PKHD1: variants seen among roughly 807,000 people sequenced by gnomAD.
PKHD1 encodes the protein fibrocystin.
Under a neutral mutation model 412.0 loss-of-function variants are expected in PKHD1, and 291 were observed. The observed-to-expected ratio is 0.71, with a 90% CI of 0.64 to 0.78. The LOEUF is 0.78. PKHD1 is among the 30% of genes least tolerant of loss of function. PKHD1 has a pLI of 0.00. For missense variants in PKHD1, 4,825 were observed against 4,950.7 expected, an observed-to-expected ratio of 0.97 and a Z score of 0.76; for synonymous variants, 1,777 against 1,821.5, an observed-to-expected ratio of 0.98 and a Z score of 0.62.
chr6:51,807,458 A>ATATATAT (rs1554254098), intron 52 of PKHD1, among the ~76,000 whole-genome samples: 3 of 49,676 alleles, frequency 6.0e-5, no homozygotes, highest in African/African-American at 1.8e-4. Context: ...AAAAAAAAAA[A>ATATATAT]ATATATATAT....
Position 51,871,528 on chromosome 6 carries a change from G to T in PKHD1, c.7351-889C>A, listed in dbSNP as rs541786080. 5.9e-5 allele frequency among the ~76,000 whole-genome samples: 7 copies of T among 118,046 alleles called. 3 individuals carry two copies. Among genetic ancestry groups the T allele is most frequent in the African/African-American group, 1.4e-4 (5 of 36,368 alleles). The allele number at this position is 118,046 out of a possible 152,430, so 77.4% of individuals were successfully genotyped here. ...TGCCAGTGGTTTAAAGCAAGAGGAG[G>T]CTGTGGCTACAAAGATGGAGCAAGG... On this transcript the variant is annotated intron_variant, in intron 46 of 66. Coordinates refer to ENST00000371117, the MANE Select transcript of PKHD1 (RefSeq NM_138694.4).
rs1807640725 is a variant in PKHD1 at position 52,055,820 on chromosome 6, T to C, written c.1694-91A>G. The C allele has an allele frequency of 1.7e-5, 24 of 1,399,446 alleles. No homozygotes were observed. The South Asian group carries it at 2.9e-4, about 17-fold the overall frequency. 86.7% of individuals were successfully genotyped at this position (1,399,446 alleles called of 1,614,324 possible). On this transcript the variant is annotated intron_variant, in intron 18 of 66. Transcript: ENST00000371117. ...ATGTGTGCATGAGGATTTTAGAGTA[T>C]CTCACTTAAGAAAACCCCCGTTCTA...
chr6:51,942,211 T>A (rs1405707906), intron 36 of PKHD1, among the ~76,000 whole-genome samples: 1 of 151,526 alleles, frequency 6.6e-6, no homozygotes, highest in African/African-American at 2.4e-5. Context: ...TAGCTCTCCC[T>A]GACTCATCCC....
intron 60 of PKHD1, among the ~76,000 whole-genome samples, chr6:51,704,427 G>A (rs948740128): frequency 2.6e-5 from 4 of 152,078 alleles, no homozygotes; most frequent in African/African-American, 9.7e-5. Flanking sequence ...TACATAATCA[G>A]ATTAACATTT....
At chr6:51,836,137 T>C (rs1348627418) in intron 51 of PKHD1, among the ~76,000 whole-genome samples, 2 of 152,224 alleles carry the variant, frequency 1.3e-5, no homozygotes, top group Non-Finnish European at 2.9e-5. Flanking sequence ...TATGTGCACA[T>C]ATGGTCCATA....
rs374869930 is a variant in PKHD1, at chr6:51,794,281, A to C, written c.8303-2908T>G. 2.0e-4 allele frequency among the ~76,000 whole-genome samples: 30 copies of C among 152,118 alleles called. No individual in the cohort carries two copies. The South Asian group carries it at 6.0e-3, about 31-fold the overall frequency. On this transcript the variant is annotated intron_variant, in intron 52 of 66. Transcript: ENST00000371117. ...TTTGATTTGCATTTCTCTAATGATC[A>C]GTGATGTTAAGCTTTTTTTCATATG...
intron 36 of PKHD1, among the ~76,000 whole-genome samples, chr6:51,935,429 T>C (rs1265125888): frequency 6.6e-6 from 1 of 152,246 alleles, no homozygotes; most frequent in Non-Finnish European, 1.5e-5. Context: ...CCCATATGAA[T>C]AAACACTTTA....
At chr6:51,832,045 CA>C (rs1768344530) in intron 51 of PKHD1, among the ~76,000 whole-genome samples, 1 of 152,000 alleles carries the variant, frequency 6.6e-6, no homozygotes, top group Non-Finnish European at 1.5e-5. Context: ...GCTAATTTTA[CA>C]ACATAAATAG....
rs41273724 is a variant in PKHD1 at position 51,648,169 on chromosome 6, G to A, written c.11311-51C>T. 4 of 969,490 alleles carry A rather than the reference G, an allele frequency of 4.1e-6. No individual in the cohort carries two copies. The Admixed American group carries it at 5.1e-5, about 12-fold the overall frequency. The allele number at this position is 969,490 out of a possible 1,614,324, so 60.1% of individuals were successfully genotyped here. On this transcript the variant is annotated intron_variant, in intron 62 of 66. Coordinates refer to ENST00000371117, the MANE Select transcript of PKHD1 (RefSeq NM_138694.4). ...GGAAGAAAAAGTTGGATTCAGAAGA[G>A]AATTTTGTGAAGTTAGAAAAGATGG...
At chr6:51,994,525 T>A (rs916476467) in intron 35 of PKHD1, among the ~76,000 whole-genome samples, 1 of 152,174 alleles carries the variant, frequency 6.6e-6, no homozygotes, top group Non-Finnish European at 1.5e-5. Flanking sequence ...CAGTTACAGA[T>A]GGGGAAACTA....
intron 52 of PKHD1, among the ~76,000 whole-genome samples, chr6:51,793,008 A>G (rs1794003222): frequency 6.6e-6 from 1 of 152,194 alleles, no homozygotes; most frequent in Non-Finnish European, 1.5e-5. Flanking sequence ...TGAAGAGATC[A>G]TTCTTTTTCT....
chr6:51,787,326 T>C (rs1395982627), intron 53 of PKHD1, among the ~76,000 whole-genome samples: 1 of 139,794 alleles, frequency 7.2e-6, no homozygotes, highest in Non-Finnish European at 1.5e-5. Flanking sequence ...GCCACTGCAC[T>C]CCAGCCTGGG....
chr6:52,001,889 C>A (rs1385119151), intron 35 of PKHD1, among the ~76,000 whole-genome samples: 1 of 152,164 alleles, frequency 6.6e-6, no homozygotes, highest in Non-Finnish European at 1.5e-5. Flanking sequence ...CTTGGCATAA[C>A]AATTTACAGA....
intron 31 of PKHD1, among the ~76,000 whole-genome samples, chr6:52,027,532 C>CAAAAAA (rs1229066296): frequency 4.8e-5 from 4 of 83,776 alleles, no homozygotes; most frequent in Non-Finnish European, 6.5e-5. Context: ...AACTCCGTCT[C>CAAAAAA]AAAAAAAAAA....
At chr6:51,902,722 G>C (rs1211206484) in intron 43 of PKHD1, among the ~76,000 whole-genome samples, 2 of 152,148 alleles carry the variant, frequency 1.3e-5, no homozygotes, top group East Asian at 3.9e-4. Context: ...TAGAAAAGGG[G>C]AAATGAAATG....
At chr6:51,788,994 A>G (rs1455853386) in intron 53 of PKHD1, among the ~76,000 whole-genome samples, 1 of 152,146 alleles carries the variant, frequency 6.6e-6, no homozygotes, top group African/African-American at 2.4e-5. Flanking sequence ...TGGACCCCCA[A>G]CATCTGACTT....
chr6:51,640,479 T>C (rs113687894), intron 63 of PKHD1, among the ~76,000 whole-genome samples: 30 of 152,306 alleles, frequency 2.0e-4, no homozygotes, highest in African/African-American at 6.7e-4. Context: ...CCAGGGTTCA[T>C]CATATCTTCA....
chr6:52,085,009 GC>G lies in PKHD1; in HGVS notation c.-77del. On this transcript the variant is annotated 5_prime_UTR_variant, in exon 2 of 67. Coordinates refer to ENST00000371117, the MANE Select transcript of PKHD1 (RefSeq NM_138694.4). ...TTTCAGTTTTGATTGGAGCAGCATA[GC>G]TTTTGTGCTTTATAAAAACAAAAAA... 1.0e-6 allele frequency: 1 copy of G among 960,332 alleles called. No homozygotes were observed. Among genetic ancestry groups the G allele is most frequent in the Non-Finnish European group, 1.7e-6 (1 of 590,200 alleles). The allele number at this position is 960,332 out of a possible 1,614,324, so 59.5% of individuals were successfully genotyped here. A position where few individuals can be genotyped will look rare whatever the true frequency, so the allele number is the denominator to read the frequency against.
At chr6:51,941,889 G>C (rs1256071649) in intron 36 of PKHD1, among the ~76,000 whole-genome samples, 1 of 151,414 alleles carries the variant, frequency 6.6e-6, no homozygotes, top group Non-Finnish European at 1.5e-5. Flanking sequence ...TTCACAGACA[G>C]CCCCCATTAC....
Sources: gnomAD v4.1 joint callset for allele counts (sites outside exome capture counted in the v4.1 genomes callset) on GRCh38, gnomAD v4.1.1 for gene constraint, MANE v1.5 for transcripts, NCBI Gene and HGNC (gene_info 2026-07-23, HGNC 2026-07-21) for gene names.